The following GOLGB1 variants were observed in gnomAD, a reference collection of about 807,000 sequenced individuals.
The protein encoded by GOLGB1 is golgin B1.
In GOLGB1, 174 loss-of-function variants were observed where a neutral mutation model predicts 336.9. That is an observed-to-expected ratio of 0.52 (90% confidence interval 0.46 to 0.59). The LOEUF (loss-of-function observed/expected upper bound fraction) is 0.59. Among genes scored for constraint, GOLGB1 ranks in the 20% least tolerant of loss-of-function variants. The pLI is 0.00. For missense variants in GOLGB1, 3,331 were observed against 3,645.3 expected (o/e 0.91, Z 2.22); for synonymous variants, 1,208 against 1,289.2 (o/e 0.94, Z 1.35).
In GOLGB1 at chr3:121,677,148, A is replaced by G. The variant is rs139129829; in HGVS notation, c.9040-118T>C. ...ATAAGGTGGCTTATGGGCACTTAATAGTGGCAGATGGGCACTTAATTTGTA... is the reference window on the plus strand; with the variant it reads ...ATAAGGTGGCTTATGGGCACTTAATGGTGGCAGATGGGCACTTAATTTGTA... On this transcript the variant is annotated intron_variant, in intron 16 of 21. Transcript: ENST00000614479. 2.2e-4 allele frequency: 289 copies of G among 1,305,954 alleles called. 1 individual carries two copies. In the African/African-American group the frequency reaches 3.8e-3, roughly 17 times the overall value. The allele number at this position is 1,305,954 out of a possible 1,614,324, so 80.9% of individuals were successfully genotyped here.
intron 14 of GOLGB1, among the ~76,000 whole-genome samples, chr3:121,683,199 G>A (rs1035045103): frequency 6.6e-6 from 1 of 151,326 alleles, no homozygotes; most frequent in Non-Finnish European, 1.5e-5. Context: ...ACTGCGCCCG[G>A]CCAGAAAACA....
intron 17 of GOLGB1, 104 bp downstream of exon 17, chr3:121,676,789 G>T: frequency 1.0e-6 from 1 of 982,478 alleles, no homozygotes; most frequent in Non-Finnish European, 1.6e-6. Flanking sequence ...TGTACCCTAA[G>T]ATATGCTACA....
chr3:121,673,686 G>GCTATCTAT (rs59292082), intron 17 of GOLGB1, among the ~76,000 whole-genome samples: 2,398 of 145,536 alleles, frequency 0.016, 22 homozygotes, highest in Middle Eastern at 0.025. Flanking sequence ...AAATGGGATT[G>GCTATCTAT]CTATCTATCT....
At chr3:121,726,607 AAAAC>A (rs1431217227) in intron 5 of GOLGB1, among the ~76,000 whole-genome samples, 3 of 151,864 alleles carry the variant, frequency 2.0e-5, no homozygotes, top group Non-Finnish European at 2.9e-5. Flanking sequence ...AAAAAACACA[AAAAC>A]AAACAAAAAA....
chr3:121,747,293 A>G (rs1461624158), intron 1 of GOLGB1, among the ~76,000 whole-genome samples: 1 of 140,980 alleles, frequency 7.1e-6, no homozygotes, highest in African/African-American at 2.6e-5. Context: ...ATGTATATAT[A>G]TGTGTATATA....
Position 121,689,218 on chromosome 3 carries a change from G to C in GOLGB1, c.8694+1452C>G, listed in dbSNP as rs1397508177. ...TTTTGTGGAATAGAAAGGGGGGAAA[G>C]GTGGGGAAAAGATTGAGAAATCGGA... On this transcript the variant is annotated intron_variant, in intron 14 of 21. Transcript: ENST00000614479. Among the ~76,000 whole-genome samples, 4 of 152,328 alleles carry C rather than the reference G, an allele frequency of 2.6e-5. No individual in the cohort carries two copies. The East Asian group carries it at 7.7e-4, about 29-fold the overall frequency.
intron 9 of GOLGB1, among the ~76,000 whole-genome samples, chr3:121,716,122 G>A (rs1210326213): frequency 1.3e-5 from 2 of 152,120 alleles, no homozygotes; most frequent in Non-Finnish European, 2.9e-5. Flanking sequence ...TTATAATTTG[G>A]GGAAGAGGAT....
At chr3:121,707,488 C>T (rs1242162641) in intron 10 of GOLGB1, among the ~76,000 whole-genome samples, 1 of 151,214 alleles carries the variant, frequency 6.6e-6, no homozygotes, top group African/African-American at 2.4e-5. Flanking sequence ...AAAAAATTAG[C>T]TGGGTAGCAT....
chr3:121,669,208 T>C lies in GOLGB1; in HGVS notation c.9321+4A>G, dbSNP rs758884925. ...TCCCAGTCTCTCACCTTCTCTTTAC[T>C]CACCGCCTGCAGCTCTTGAACCTGC... On this transcript the variant is annotated splice_donor_region_variant and intron_variant, in intron 18 of 21. Coordinates refer to ENST00000614479, the MANE Select transcript of GOLGB1 (RefSeq NM_001366282.2). 1.9e-6 allele frequency: 3 copies of C among 1,613,408 alleles called. No homozygotes were observed. Among genetic ancestry groups the C allele is most frequent in the Non-Finnish European group, 2.5e-6 (3 of 1,179,886 alleles).
At chr3:121,707,826 T>C (rs1356224641) in intron 10 of GOLGB1, among the ~76,000 whole-genome samples, 1 of 152,138 alleles carries the variant, frequency 6.6e-6, no homozygotes, top group Admixed American at 6.5e-5. Context: ...GTTGAGTACC[T>C]GCAACAAAGA....
At chr3:121,667,945 C>A in intron 19 of GOLGB1, 116 bp downstream of exon 19, 1 of 595,474 alleles carries the variant, frequency 1.7e-6, no homozygotes, top group Non-Finnish European at 3.0e-6. Flanking sequence ...TTCTGTGAGG[C>A]TAATAAGATA....
intron 1 of GOLGB1, among the ~76,000 whole-genome samples, chr3:121,737,947 G>C (rs1946594731): frequency 6.6e-6 from 1 of 152,092 alleles, no homozygotes; most frequent in African/African-American, 2.4e-5. Context: ...CTAAATACTG[G>C]AAGGGCAACA....
intron 17 of GOLGB1, among the ~76,000 whole-genome samples, chr3:121,669,966 A>G (rs1283466684): frequency 6.6e-6 from 1 of 152,188 alleles, no homozygotes; most frequent in Non-Finnish European, 1.5e-5. Context: ...TCAGTCCCTT[A>G]AAGCAGGACT....
chr3:121,727,999 AT>A (rs1410214840), intron 4 of GOLGB1, among the ~76,000 whole-genome samples: 1 of 152,196 alleles, frequency 6.6e-6, no homozygotes, highest in African/African-American at 2.4e-5. Flanking sequence ...TAAAAATGAA[AT>A]TAAAAAGCAG....
At chr3:121,748,026 A>C (rs1947488386) in intron 1 of GOLGB1, among the ~76,000 whole-genome samples, 1 of 152,056 alleles carries the variant, frequency 6.6e-6, no homozygotes, top group African/African-American at 2.4e-5. Flanking sequence ...GGATAAAGTC[A>C]ACATCCCTTT....
At chr3:121,729,729 C>T in intron 3 of GOLGB1, 136 bp downstream of exon 3, 1 of 647,860 alleles carries the variant, frequency 1.5e-6, no homozygotes, top group East Asian at 2.7e-5. Flanking sequence ...AAGTTATTTT[C>T]AGTAGGCATA....
At chr3:121,665,120 T>C (rs1938424354) in intron 20 of GOLGB1, 89 bp from the exon 21 acceptor site, 1 of 750,468 alleles carries the variant, frequency 1.3e-6, no homozygotes, top group Admixed American at 2.1e-5. Flanking sequence ...TGCCACACAA[T>C]GCAGCACAGG....
intron 14 of GOLGB1, among the ~76,000 whole-genome samples, chr3:121,683,616 C>T (rs1291974651): frequency 6.6e-6 from 1 of 152,090 alleles, no homozygotes; most frequent in East Asian, 1.9e-4. Context: ...GAGGATTAAC[C>T]TTCACCTGAA....
chr3:121,720,786 C>T (rs1218857342), intron 6 of GOLGB1, among the ~76,000 whole-genome samples: 5 of 152,112 alleles, frequency 3.3e-5, no homozygotes, highest in Admixed American at 1.3e-4. Flanking sequence ...TTGCTCACAC[C>T]GTTCCCCATC....
Sources: allele counts gnomAD v4.1 joint callset (sites outside exome capture counted in the v4.1 genomes callset), GRCh38; gene constraint gnomAD v4.1.1; transcripts MANE v1.5; gene names NCBI Gene and HGNC (gene_info 2026-07-23, HGNC 2026-07-21).